MACF1: variants seen among roughly 807,000 people sequenced by gnomAD.
MACF1 encodes the protein microtubule actin crosslinking factor 1.
In MACF1, 193 loss-of-function variants were observed where a neutral mutation model predicts 854.8. The observed-to-expected ratio is 0.23, with a 90% confidence interval of 0.20 to 0.25. MACF1 has a LOEUF of 0.25. Among genes scored for constraint, MACF1 ranks in the 10% least tolerant of loss-of-function variants. MACF1 has a pLI of 1.00. For missense variants in MACF1, 7,722 were observed against 8,929.1 expected (o/e 0.86, Z 5.45); for synonymous variants, 3,185 against 3,226.7 (o/e 0.99, Z 0.44).
chr1:39,296,758 GGAAGGAAGGAAGGA>G, intron 20 of MACF1, among the ~76,000 whole-genome samples: 1 of 62,676 alleles, frequency 1.6e-5, no homozygotes, highest in African/African-American at 4.7e-5. Context: ...AAGAAAGGAA[GGAAGGAAGGAAGGA>G]AAAGAAAGAA....
intron 2 of MACF1, among the ~76,000 whole-genome samples, chr1:39,111,320 G>C (rs10788919): frequency 0.97 from 148,179 of 152,058 alleles, 72,286 homozygotes; most frequent in South Asian, 1. Context: ...CTCAGCCTCC[G>C]GAGTAGCTAG....
chr1:39,221,135 A>G (rs1477533837), intron 1 of MACF1, among the ~76,000 whole-genome samples: 1 of 152,202 alleles, frequency 6.6e-6, no homozygotes, highest in Non-Finnish European at 1.5e-5. Flanking sequence ...CAGTTGAGTC[A>G]TGCAGGGGAG....
chr1:39,086,504 C>T (rs1004508151), intron 2 of MACF1, among the ~76,000 whole-genome samples: 1 of 152,198 alleles, frequency 6.6e-6, no homozygotes, highest in African/African-American at 2.4e-5. Context: ...TGTCCCCAGT[C>T]TTGAAGGGCC....
intron 2 of MACF1, among the ~76,000 whole-genome samples, chr1:39,158,667 C>T (rs924443264): frequency 1.3e-5 from 2 of 152,110 alleles, no homozygotes; most frequent in African/African-American, 4.8e-5. Context: ...GAGAAGGTGG[C>T]AGATGAGGTG....
In MACF1 at chr1:39,459,096, A is replaced by T; in HGVS notation, c.21207A>T (p.Leu7069=). 6.2e-7 allele frequency: 1 copy of T among 1,611,842 alleles called. No homozygotes were observed. The highest frequency in any genetic ancestry group is 1.3e-5 in the African/African-American group (1 of 74,864). Reference sequence around the variant, plus strand: ...TATTTTTCCTTTTAGGGAAATCCCTAAGTCAGCCAACCCCTCCTCCCATGC... The same window carrying T: ...TATTTTTCCTTTTAGGGAAATCCCTTAGTCAGCCAACCCCTCCTCCCATGC... ...EKSRSGGRKS[L]SQPTPPPMPI... The change falls in exon 91 of 101, where the codon CTA becomes CTT. Residue 7069 remains leucine (L), a synonymous_variant. Transcript: ENST00000564288.
At position 39,437,910 on chromosome 1, in the gene MACF1, A is replaced by C; in HGVS notation, c.18122A>C (p.Glu6041Ala). The C allele has an allele frequency of 1.2e-6, 2 of 1,614,156 alleles. No individual in the cohort carries two copies. The highest frequency in any genetic ancestry group is 1.7e-6 in the Non-Finnish European group (2 of 1,180,014). ...AGTGACAATAAGAGTGCCACCGTGGAGCTAGAAAAACTGCAGCCATCCTTT... is the reference window on the plus strand; with the variant it reads ...AGTGACAATAAGAGTGCCACCGTGGCGCTAGAAAAACTGCAGCCATCCTTT... ...CISDNKSATV[E>A]LEKLQPSFEA... Residue 6041 changes from glutamate to alanine, a missense_variant, in exon 71 of 101, where the codon GAG (glutamate) becomes GCG (alanine). Glu to Ala is a moderately radical substitution (Grantham distance 107). This residue lies in a region of MACF1 where 2,807 missense variants were observed against 3,235.8 expected (regional missense o/e 0.87). Transcript: ENST00000564288.
chr1:39,263,935 G>A (rs1974240), intron 6 of MACF1, among the ~76,000 whole-genome samples: 1 of 151,350 alleles, frequency 6.6e-6, no homozygotes, highest in Admixed American at 6.6e-5. Flanking sequence ...CACCACACCC[G>A]GCTAATTTTT....
chr1:39,446,410 T>A (rs1457272273), intron 80 of MACF1, among the ~76,000 whole-genome samples: 1 of 151,878 alleles, frequency 6.6e-6, no homozygotes, highest in African/African-American at 2.4e-5. Context: ...TCTAAACATT[T>A]CTATATATAT....
chr1:39,421,041 A>G (rs965905865), intron 58 of MACF1, among the ~76,000 whole-genome samples: 30 of 151,710 alleles, frequency 2.0e-4, no homozygotes, highest in Non-Finnish European at 4.3e-4. Flanking sequence ...AATTTTTTGT[A>G]TTTTTAGTAG....
intron 52 of MACF1, among the ~76,000 whole-genome samples, chr1:39,375,414 G>T (rs1029059102): frequency 6.6e-6 from 1 of 151,672 alleles, no homozygotes; most frequent in Non-Finnish European, 1.5e-5. Flanking sequence ...CCATTCTCCT[G>T]CCTCAGCCTC....
At chr1:39,232,762 T>TG (rs1557532307) in intron 2 of MACF1, among the ~76,000 whole-genome samples, 35 of 149,426 alleles carry the variant, frequency 2.3e-4, no homozygotes, top group East Asian at 7.8e-4. Flanking sequence ...TTTTTTTTTT[T>TG]TTTTTTGTTT....
In MACF1 at chr1:39,136,637, C is replaced by T. The variant is rs376977844; in HGVS notation, c.220+52199C>T. On this transcript the variant is annotated intron_variant, in intron 2 of 93. Transcript: ENST00000361689. ...TTACCTGCTTTTGTACCTCCAATGC[C>T]TAGAGACCAGTTGTCTCTCAGAAGC... Among the ~76,000 whole-genome samples, 20 of 152,200 alleles carry T rather than the reference C, an allele frequency of 1.3e-4. No homozygotes were observed. The East Asian group carries it at 3.5e-3, about 26-fold the overall frequency.
intron 1 of MACF1, among the ~76,000 whole-genome samples, chr1:39,222,514 G>A (rs978391818): frequency 3.9e-5 from 6 of 152,106 alleles, no homozygotes; most frequent in Admixed American, 1.3e-4. Flanking sequence ...TTCAGACACC[G>A]TTCACTTCGT....
chr1:39,319,715 A>G lies in MACF1; in HGVS notation c.3997A>G (p.Lys1333Glu). The change falls in exon 31 of 101, where the codon AAA becomes GAA. Residue 1333 changes from lysine to glutamate, a missense_variant. Lys to Glu is a moderately conservative substitution (Grantham distance 56, BLOSUM62 1). Around this residue, in one of 15 missense-constraint regions of MACF1, gnomAD observed 1,137 missense variants for 1,263.0 expected, o/e 0.90. Coordinates refer to ENST00000564288, the MANE Select transcript of MACF1 (RefSeq NM_001394062.1). ...RNQTKLDQCQ[K>E]FSQQYSTIVK... ...TCAGACAAAACTGGATCAATGTCAA[A>G]AATTTTCCCAGCAGTACTCTACTAT... 6.2e-6 allele frequency: 10 copies of G among 1,613,836 alleles called. No individual in the cohort carries two copies. The highest frequency in any genetic ancestry group is 8.5e-6 in the Non-Finnish European group (10 of 1,179,846).
intron 58 of MACF1, chr1:39,410,085 C>G: frequency 2.0e-6 from 1 of 497,324 alleles, no homozygotes; most frequent in Non-Finnish European, 3.5e-6. Flanking sequence ...AGCTGTTTGT[C>G]TTAGAGCTTC....
At chr1:39,480,863 C>T (rs570245719) in intron 98 of MACF1, 57 bp from the exon 99 acceptor site, 16 of 873,816 alleles carry the variant, frequency 1.8e-5, no homozygotes, top group Middle Eastern at 4.3e-4. Flanking sequence ...CAATGTGCAC[C>T]CTTTTTGTTC....
intron 2 of MACF1, among the ~76,000 whole-genome samples, chr1:39,106,991 T>C (rs1042466224): frequency 6.6e-6 from 1 of 152,104 alleles, no homozygotes; most frequent in Non-Finnish European, 1.5e-5. Context: ...TCTTTCTTTT[T>C]AAGAAATGTG....
At chr1:39,473,276 C>T (rs76803104) in intron 97 of MACF1, among the ~76,000 whole-genome samples, 10,763 of 152,164 alleles carry the variant, frequency 0.071, 536 homozygotes, top group South Asian at 0.2. Context: ...GCCTCTGGGG[C>T]TAACAGGGTC....
In MACF1 at chr1:39,319,763, C is replaced by G; in HGVS notation, c.4029+16C>G. The G allele has an allele frequency of 1.3e-6, 2 of 1,566,722 alleles. No homozygotes were observed. The highest frequency in any genetic ancestry group is 1.8e-6 in the Non-Finnish European group (2 of 1,140,252). On this transcript the variant is annotated intron_variant, in intron 31 of 100. Transcript: ENST00000564288. ...TATTGTAAAGGTAACTTTACCACAT[C>G]CCAAAAAGAACATGAATCATCACCA...
Sources: gnomAD v4.1 joint callset for allele counts (sites outside exome capture counted in the v4.1 genomes callset) on GRCh38, gnomAD v4.1.1 for gene constraint, gnomAD v4.1.1 regional missense constraint, MANE v1.5 for transcripts, NCBI Gene and HGNC (gene_info 2026-07-23, HGNC 2026-07-21) for gene names.